E2F3: variants seen among roughly 807,000 people sequenced by gnomAD.
E2F3 encodes transcription factor E2F3.
A neutral mutation model predicts 44.4 loss-of-function variants in E2F3; 11 were observed. That is an observed-to-expected ratio of 0.25 (90% confidence interval 0.16 to 0.41). E2F3 has a LOEUF of 0.41. E2F3 is among the 10% of genes least tolerant of loss of function. The pLI is 1.00. For synonymous variants in E2F3, 249 were observed against 253.0 expected (o/e 0.98, Z 0.15); for missense variants, 487 against 583.6 (o/e 0.83, Z 1.70).
intron 1 of E2F3, among the ~76,000 whole-genome samples, chr6:20,469,415 C>T (rs1761818575): frequency 1.3e-5 from 2 of 152,118 alleles, no homozygotes; most frequent in Admixed American, 1.3e-4. Context: ...GTGGTTCCCC[C>T]AGCAAGGTAG....
At chr6:20,467,559 A>T (rs1020521618) in intron 1 of E2F3, among the ~76,000 whole-genome samples, 3 of 152,066 alleles carry the variant, frequency 2.0e-5, no homozygotes, top group African/African-American at 7.2e-5. Flanking sequence ...TTGGTGCCCA[A>T]AGTCCTTAGG....
chr6:20,447,553 T>C (rs568860632), intron 1 of E2F3, among the ~76,000 whole-genome samples: 3 of 151,596 alleles, frequency 2.0e-5, no homozygotes, highest in Admixed American at 2.0e-4. Flanking sequence ...TTTTTTTTTT[T>C]AAACAGTGAT....
Position 20,490,381 on chromosome 6 carries a change from C to A in E2F3, c.1349C>A (p.Ala450Asp). Residue 450 changes from alanine (A) to aspartate (D), a missense_variant, in exon 7 of 7, where the codon GCT (alanine) becomes GAT (aspartate). By Grantham distance (126) the Ala-to-Asp change is moderately radical (BLOSUM62 -2). Coordinates refer to ENST00000346618, the MANE Select transcript of E2F3 (RefSeq NM_001949.5). This position sits in a 1 kb window ranked among gnomAD's most constrained non-coding sequence, Gnocchi z 4.3. ...GAAGGCATCAGCGATCTCTTCGATG[C>A]TTACGATTTGGAAAAGCTCCCACTG... ...EEEGISDLFD[A>D]YDLEKLPLVE... 1 of 1,606,570 alleles carries A rather than the reference C, an allele frequency of 6.2e-7. No individual in the cohort carries two copies. The highest frequency in any genetic ancestry group is 8.5e-7 in the Non-Finnish European group (1 of 1,175,750).
intron 3 of E2F3, among the ~76,000 whole-genome samples, chr6:20,482,393 A>C (rs139138553): frequency 9.0e-6 from 1 of 111,614 alleles, no homozygotes; most frequent in Non-Finnish European, 1.9e-5. Flanking sequence ...GTCTTTCTCT[A>C]TCTTTTTATC....
At chr6:20,479,640 CG>C (rs1422937458) in intron 1 of E2F3, among the ~76,000 whole-genome samples, 5 of 152,220 alleles carry the variant, frequency 3.3e-5, no homozygotes, top group Admixed American at 6.5e-5. Flanking sequence ...CGGATGATCA[CG>C]GCAGGTGAAG....
intron 1 of E2F3, among the ~76,000 whole-genome samples, chr6:20,415,241 A>G (rs1759806549): frequency 6.6e-6 from 1 of 152,234 alleles, no homozygotes; most frequent in African/African-American, 2.4e-5. Flanking sequence ...ATTTTCTTCA[A>G]TAACTAAGAA....
intron 1 of E2F3, among the ~76,000 whole-genome samples, chr6:20,469,274 G>A (rs552637093): frequency 6.6e-6 from 1 of 152,328 alleles, no homozygotes; most frequent in East Asian, 1.9e-4. Context: ...GGGGGGAAAT[G>A]GAAGAAGTGA....
intron 1 of E2F3, among the ~76,000 whole-genome samples, chr6:20,477,458 G>T (rs899324097): frequency 6.6e-6 from 1 of 152,318 alleles, no homozygotes; most frequent in East Asian, 1.9e-4. Flanking sequence ...GACTAGAGGT[G>T]AGGGTGTGTG....
chr6:20,446,644 C>T (rs953809392), intron 1 of E2F3, among the ~76,000 whole-genome samples: 1 of 152,222 alleles, frequency 6.6e-6, no homozygotes, highest in Non-Finnish European at 1.5e-5. Context: ...TGGCTCCCTG[C>T]AACCTCTGCC....
In E2F3 at chr6:20,442,239, C is replaced by T. The variant is rs531564406; in HGVS notation, c.394-37607C>T. ...CTGTATTCTTTAGTGTGAAGGTGAG[C>T]CAACACAGCGAAGTATGCTCGCCCT... On this transcript the variant is annotated intron_variant, in intron 1 of 6. Transcript: ENST00000346618. Among the ~76,000 whole-genome samples the T allele has an allele frequency of 2.6e-4, 40 of 152,268 alleles. No individual in the cohort carries two copies. The South Asian group carries it at 8.3e-3, about 32-fold the overall frequency.
chr6:20,482,468 C>T (rs1002017682), intron 3 of E2F3, among the ~76,000 whole-genome samples: 5 of 150,512 alleles, frequency 3.3e-5, no homozygotes, highest in Non-Finnish European at 7.4e-5. Flanking sequence ...TGGTTGCCTT[C>T]TTTTGCCCTC....
At chr6:20,446,554 C>T (rs1760951488) in intron 1 of E2F3, among the ~76,000 whole-genome samples, 1 of 152,122 alleles carries the variant, frequency 6.6e-6, no homozygotes, top group South Asian at 2.1e-4. Flanking sequence ...ATTTGCAATT[C>T]ATCCCATGTT....
In E2F3 at chr6:20,472,025, A is replaced by AACACACACACAC. The variant is rs57925127; in HGVS notation, c.394-7788_394-7777dup. Among the ~76,000 whole-genome samples the AACACACACACAC allele has an allele frequency of 1.9e-3, 262 of 138,440 alleles. 5 individuals carry two copies. Among genetic ancestry groups the AACACACACACAC allele is most frequent in the East Asian group, 5.1e-3 (24 of 4,682 alleles). 90.8% of individuals were successfully genotyped at this position (138,440 alleles called of 152,430 possible). On this transcript the variant is annotated intron_variant, in intron 1 of 6. Transcript: ENST00000346618. ...TTAAACTCCAGCCTGCCCCCCCTCC[A>AACACACACACAC]ACACACACACACACACACACACACA...
At chr6:20,403,039 C>G (rs1759362638) in intron 1 of E2F3, among the ~76,000 whole-genome samples, 2 of 151,452 alleles carry the variant, frequency 1.3e-5, no homozygotes, top group African/African-American at 4.9e-5. Flanking sequence ...GTGGGGGGCT[C>G]TGAGGGGTTG....
chr6:20,471,924 A>G (rs1761901931), intron 1 of E2F3, among the ~76,000 whole-genome samples: 1 of 151,850 alleles, frequency 6.6e-6, no homozygotes, highest in Non-Finnish European at 1.5e-5. Context: ...ATATTTTTTT[A>G]TATTACACAT....
At chr6:20,423,724 C>T (rs1199894298) in intron 1 of E2F3, among the ~76,000 whole-genome samples, 2 of 151,990 alleles carry the variant, frequency 1.3e-5, no homozygotes, top group Non-Finnish European at 2.9e-5. Flanking sequence ...CTGCCTCGGC[C>T]TCCCAAAGTG....
At chr6:20,417,314 T>TC (rs1179407079) in intron 1 of E2F3, among the ~76,000 whole-genome samples, 9 of 151,972 alleles carry the variant, frequency 5.9e-5, no homozygotes, top group African/African-American at 2.2e-4. Flanking sequence ...GGTACAGTCT[T>TC]CCCCCCAATC....
chr6:20,467,424 G>C (rs1382244595), intron 1 of E2F3, among the ~76,000 whole-genome samples: 1 of 152,202 alleles, frequency 6.6e-6, no homozygotes, highest in Non-Finnish European at 1.5e-5. Context: ...TACTCTCACA[G>C]TGCATTTTAG....
At chr6:20,476,127 T>C (rs1305751559) in intron 1 of E2F3, among the ~76,000 whole-genome samples, 1 of 151,978 alleles carries the variant, frequency 6.6e-6, no homozygotes, top group Non-Finnish European at 1.5e-5. Flanking sequence ...ATCCCAGCAC[T>C]TGAGGAGGCC....
Sources: gnomAD v4.1 joint callset for allele counts (sites outside exome capture counted in the v4.1 genomes callset) on GRCh38, gnomAD v4.1.1 for gene constraint, Gnocchi (gnomAD v3.1) non-coding constraint, MANE v1.5 for transcripts, NCBI Gene and HGNC (gene_info 2026-07-23, HGNC 2026-07-21) for gene names.